Variants in GEMIN2 observed in about 807,000 individuals in gnomAD.
The protein encoded by GEMIN2 is gem nuclear organelle associated protein 2.
A neutral mutation model predicts 45.8 loss-of-function variants in GEMIN2; 37 were observed. The observed-to-expected ratio is 0.81, with a 90% CI of 0.62 to 1.06. The LOEUF (loss-of-function observed/expected upper bound fraction) is 1.06. GEMIN2 is among the 50% of genes least tolerant of loss of function. The pLI is 0.00. For missense variants in GEMIN2, 335 were observed against 321.8 expected (o/e 1.04, Z -0.31); for synonymous variants, 101 against 111.5 (o/e 0.91, Z 0.60).
In GEMIN2 at chr14:39,114,845, T is replaced by A; in HGVS notation, c.154T>A (p.Cys52Ser). ...LRRVQIEAAQCPDVVVAQIDP... is the reference protein window; with the variant it reads ...LRRVQIEAAQSPDVVVAQIDP... ...TATTTGTAGGATCGAAGCAGCTCAATGTCCAGATGTTGTGGTAGCTCAAAT... is the reference window on the plus strand; with the variant it reads ...TATTTGTAGGATCGAAGCAGCTCAAAGTCCAGATGTTGTGGTAGCTCAAAT... The change falls in exon 2 of 10, where the codon TGT becomes AGT. Residue 52 changes from cysteine to serine, a missense_variant. Cys to Ser is a moderately radical substitution (Grantham distance 112). Coordinates refer to ENST00000308317, the MANE Select transcript of GEMIN2 (RefSeq NM_003616.3). 1.3e-6 allele frequency: 2 copies of A among 1,553,290 alleles called. No individual in the cohort carries two copies. Among genetic ancestry groups the A allele is most frequent in the Non-Finnish European group, 8.9e-7 (1 of 1,124,616 alleles).
intron 8 of GEMIN2, among the ~76,000 whole-genome samples, chr14:39,132,975 GGTGT>G (rs67749459): frequency 6.6e-4 from 93 of 140,164 alleles, no homozygotes; most frequent in South Asian, 4.6e-3. Context: ...TACTGCACCT[GGTGT>G]GTGTGTGTGT....
Position 39,118,067 on chromosome 14 carries a change from A to T in GEMIN2, c.291A>T (p.Ala97=). The T allele has an allele frequency of 6.3e-7, 1 of 1,595,524 alleles. No individual in the cohort carries two copies. The highest frequency in any genetic ancestry group is 1.1e-5 in the South Asian group (1 of 90,196). ...TTCAATGGCAACAGCAACAAGTGGC[A>T]CAGTTTTCAACTGTTCGACAGGTAA... is the stretch of plus-strand genomic sequence containing the variant. ...PTLQWQQQQV[A]QFSTVRQNVN... is the part of the protein sequence containing the mutation. Residue 97 remains alanine, a synonymous_variant, in exon 3 of 10, where the codon GCA becomes GCT. Coordinates refer to ENST00000308317, the MANE Select transcript of GEMIN2 (RefSeq NM_003616.3).
Position 39,133,707 on chromosome 14 carries a change from G to T in GEMIN2, c.758G>T (p.Cys253Phe). The T allele has an allele frequency of 6.6e-7, 1 of 1,518,928 alleles. No individual in the cohort carries two copies. Among genetic ancestry groups the T allele is most frequent in the Non-Finnish European group, 8.9e-7 (1 of 1,118,110 alleles). The allele number at this position is 1,518,928 out of a possible 1,614,324, so 94.1% of individuals were successfully genotyped here. Reference protein sequence around the residue: ...ERVPALNLLICLVSRYFDQRD... With the variant: ...ERVPALNLLIFLVSRYFDQRD... ...GTTCCTGCTTTGAATTTATTAATCT[G>T]CTTGGTTAGCAGGTATAGTTAATCC... The change falls in exon 9 of 10, where the codon TGC becomes TTC. Residue 253 changes from cysteine (C) to phenylalanine (F), a missense_variant. Coordinates refer to ENST00000308317, the MANE Select transcript of GEMIN2 (RefSeq NM_003616.3).
At chr14:39,121,390 C>G (rs1467723137) in intron 4 of GEMIN2, among the ~76,000 whole-genome samples, 1 of 152,094 alleles carries the variant, frequency 6.6e-6, no homozygotes, top group Non-Finnish European at 1.5e-5. Flanking sequence ...TAAAAATTAT[C>G]AGGCATGGTG....
intron 6 of GEMIN2, among the ~76,000 whole-genome samples, chr14:39,125,320 A>G (rs978855989): frequency 6.6e-6 from 1 of 152,190 alleles, no homozygotes; most frequent in Non-Finnish European, 1.5e-5. Flanking sequence ...CTAACTCCAG[A>G]GCTCATGCTC....
chr14:39,119,726 G>A (rs1214678986), intron 4 of GEMIN2, among the ~76,000 whole-genome samples: 1 of 152,206 alleles, frequency 6.6e-6, no homozygotes, highest in African/African-American at 2.4e-5. Flanking sequence ...GAGAGATTCA[G>A]TATATGGCAT....
At chr14:39,129,947 T>G (rs1007268095) in intron 7 of GEMIN2, among the ~76,000 whole-genome samples, 4 of 136,418 alleles carry the variant, frequency 2.9e-5, no homozygotes, top group Non-Finnish European at 6.2e-5. Context: ...TTTTTTTTTT[T>G]TTTTTTTTTT....
At chr14:39,115,197 TATTTTTTGCTTGTTTG>T (rs2052486234) in intron 2 of GEMIN2, among the ~76,000 whole-genome samples, 1 of 150,964 alleles carries the variant, frequency 6.6e-6, no homozygotes. Flanking sequence ...TGTTATCTTT[TATTTTTTGCTTGTTTG>T]TTTGTTTATA....
intron 2 of GEMIN2, among the ~76,000 whole-genome samples, chr14:39,116,541 C>T (rs974047584): frequency 2.0e-5 from 3 of 151,852 alleles, no homozygotes; most frequent in Admixed American, 6.6e-5. Context: ...CTCAGCCTCC[C>T]GAGTAGCTGG....
intron 6 of GEMIN2, among the ~76,000 whole-genome samples, chr14:39,125,874 G>T (rs1251715544): frequency 6.6e-6 from 1 of 151,992 alleles, no homozygotes; most frequent in Non-Finnish European, 1.5e-5. Context: ...ACAAAAATTA[G>T]CTGGATGTGG....
intron 2 of GEMIN2, 25 bp downstream of exon 2, chr14:39,114,938 AT>A: frequency 9.5e-7 from 1 of 1,049,778 alleles, no homozygotes; most frequent in Non-Finnish European, 1.5e-6. Flanking sequence ...CCGTCTGGAG[AT>A]TACCCCCAAC....
chr14:39,114,778 G>T, intron 1 of GEMIN2, 51 bp from the exon 2 acceptor site: 1 of 1,054,086 alleles, frequency 9.5e-7, no homozygotes, highest in South Asian at 1.3e-5. Flanking sequence ...TACTACACCT[G>T]AGCAAAGCAC....
intron 9 of GEMIN2, among the ~76,000 whole-genome samples, chr14:39,135,212 T>G (rs937964639): frequency 3.3e-5 from 5 of 152,056 alleles, no homozygotes; most frequent in African/African-American, 7.2e-5. Flanking sequence ...AAAAGTTAGA[T>G]AAAAATGGAA....
chr14:39,121,879 A>ATTTT, intron 4 of GEMIN2: 1 of 154,932 alleles, frequency 6.5e-6, no homozygotes. Flanking sequence ...CATCCGGCTA[A>ATTTT]TTTTTTTTTT....
intron 9 of GEMIN2, among the ~76,000 whole-genome samples, chr14:39,135,512 G>A (rs1302228957): frequency 2.0e-5 from 3 of 152,108 alleles, no homozygotes; most frequent in African/African-American, 7.2e-5. Context: ...CTTGAACCTG[G>A]GAGGTGGAGG....
At position 39,116,224 on chromosome 14, in the gene GEMIN2, C is replaced by T. The variant is rs540253467; in HGVS notation, c.222+1311C>T. ...CTAATTTTTGTATTTTTAGTAGAGA[C>T]GTGGTTTTACCATGTTGGCCAGGCT... On this transcript the variant is annotated intron_variant, in intron 2 of 9. Coordinates refer to ENST00000308317, the MANE Select transcript of GEMIN2 (RefSeq NM_003616.3). Among the ~76,000 whole-genome samples, 16 of 151,722 alleles carry T rather than the reference C, an allele frequency of 1.1e-4. No individual in the cohort carries two copies. The South Asian group carries it at 2.9e-3, about 28-fold the overall frequency.
chr14:39,131,293 GTC>G (rs1314166588), intron 7 of GEMIN2, among the ~76,000 whole-genome samples: 1 of 151,934 alleles, frequency 6.6e-6, no homozygotes, highest in Non-Finnish European at 1.5e-5. Flanking sequence ...GTGAAACTCT[GTC>G]TCAAAAAAAA....
intron 4 of GEMIN2, 71 bp from the exon 5 acceptor site, chr14:39,122,359 T>A: frequency 1.3e-6 from 1 of 765,172 alleles, no homozygotes; most frequent in Non-Finnish European, 2.2e-6. Context: ...AGGACTTAAC[T>A]TCTTTTTTTT....
chr14:39,136,187 G>C (rs575830436), intron 9 of GEMIN2, among the ~76,000 whole-genome samples: 2 of 151,726 alleles, frequency 1.3e-5, no homozygotes, highest in Non-Finnish European at 2.9e-5. Flanking sequence ...TCTGTACTTC[G>C]TTTTTTTTCA....
Sources: gnomAD v4.1 joint callset for allele counts (sites outside exome capture counted in the v4.1 genomes callset) on GRCh38, gnomAD v4.1.1 for gene constraint, MANE v1.5 for transcripts, NCBI Gene and HGNC (gene_info 2026-07-23, HGNC 2026-07-21) for gene names.